The following TBK1 variants were observed in gnomAD, a reference collection of about 807,000 sequenced individuals.
TBK1 encodes the protein serine/threonine-protein kinase TBK1.
TBK1 carries 37 observed loss-of-function variants against 99.9 expected under a neutral mutation model. The observed-to-expected ratio is 0.37, with a 90% CI of 0.28 to 0.49. The LOEUF (loss-of-function observed/expected upper bound fraction) is 0.49. Among genes scored for constraint, TBK1 ranks in the 20% least tolerant of loss-of-function variants. The probability of loss-of-function intolerance (pLI) is 0.98; values close to 1 mark genes in which losing one functional copy is unlikely to be tolerated. For missense variants in TBK1, 644 were observed against 872.5 expected, an observed-to-expected ratio of 0.74 and a Z score of 3.30; for synonymous variants, 258 against 279.8, an observed-to-expected ratio of 0.92 and a Z score of 0.78.
chr12:64,468,569 C>T (rs1314252183), intron 5 of TBK1, among the ~76,000 whole-genome samples: 1 of 151,864 alleles, frequency 6.6e-6, no homozygotes, highest in Non-Finnish European at 1.5e-5. Flanking sequence ...CTACTATATA[C>T]CAGATACTGT....
Position 64,490,130 on chromosome 12 carries a change from A to C in TBK1, c.1521+11A>C, listed in dbSNP as rs2040855491. On this transcript the variant is annotated intron_variant, in intron 13 of 20. Coordinates refer to ENST00000331710, the MANE Select transcript of TBK1 (RefSeq NM_013254.4). ...ACCAAATTGTTGAGAGTAAGTGTTT[A>C]CAAAATTACGAAATTTGTAAGCTCA... The C allele has an allele frequency of 6.3e-7, 1 of 1,593,776 alleles. No individual in the cohort carries two copies. Among genetic ancestry groups the C allele is most frequent in the Non-Finnish European group, 8.6e-7 (1 of 1,167,256 alleles).
intron 20 of TBK1, among the ~76,000 whole-genome samples, chr12:64,498,550 C>G (rs2040953210): frequency 6.6e-6 from 1 of 152,248 alleles, no homozygotes; most frequent in Non-Finnish European, 1.5e-5. Flanking sequence ...TTTCCTTATC[C>G]TGATTCCTCA....
At chr12:64,463,857 G>GT (rs372307706) in intron 3 of TBK1, among the ~76,000 whole-genome samples, 1,799 of 122,820 alleles carry the variant, frequency 0.015, 46 homozygotes, top group African/African-American at 0.05. Context: ...GAAAATGTTA[G>GT]TTTTTTTTTT....
intron 12 of TBK1, among the ~76,000 whole-genome samples, chr12:64,488,997 CAAAAT>C (rs769075797): frequency 3.1e-4 from 47 of 152,142 alleles, no homozygotes; most frequent in Non-Finnish European, 6.3e-4. Context: ...TCTCAAAAAA[CAAAAT>C]AAAATAAAGA....
In TBK1 at chr12:64,480,032, A is replaced by T; in HGVS notation, c.722A>T (p.Lys241Met). Residue 241 changes from lysine (K) to methionine (M), a missense_variant, in exon 7 of 21, where the codon AAG becomes ATG. Physicochemically the swap from Lys to Met is moderately conservative, Grantham distance 95. This residue lies in a region of TBK1 where 465 missense variants were observed against 588.0 expected (regional missense o/e 0.79). Transcript: ENST00000331710. Reference sequence around the variant, plus strand: ...CCAAGGTATAAAATAATTACAGGAAAGCCTTCTGGTGCAATATCTGGAGTA... The same window carrying T: ...CCAAGGTATAAAATAATTACAGGAATGCCTTCTGGTGCAATATCTGGAGTA... ...KEVMYKIITG[K>M]PSGAISGVQK... 6.2e-7 allele frequency: 1 copy of T among 1,611,916 alleles called. No individual in the cohort carries two copies.
At chr12:64,453,031 G>A (rs7316037) in intron 1 of TBK1, 22,834 of 152,150 alleles carry the variant, frequency 0.15, 2,044 homozygotes, top group East Asian at 0.35. Flanking sequence ...CGTTTTGGAC[G>A]GTGTAAGGAA....
At chr12:64,496,334 A>C in intron 15 of TBK1, 33 bp from the exon 16 acceptor site, 1 of 1,042,892 alleles carries the variant, frequency 9.6e-7, no homozygotes, top group Non-Finnish European at 1.4e-6. Context: ...ATGATTCTAT[A>C]TTAACAACAG....
chr12:64,460,380 A>T, intron 3 of TBK1, 51 bp downstream of exon 3: 1 of 1,355,974 alleles, frequency 7.4e-7, no homozygotes, highest in Non-Finnish European at 9.8e-7. Context: ...GAGTCAAGAA[A>T]TAGAACCTAA....
chr12:64,478,848 G>A (rs1473227148), intron 6 of TBK1, among the ~76,000 whole-genome samples: 2 of 152,150 alleles, frequency 1.3e-5, no homozygotes, highest in African/African-American at 2.4e-5. Context: ...GATAGTATCA[G>A]CCTTTAAAGC....
chr12:64,467,035 G>A lies in TBK1; in HGVS notation c.493G>A (p.Glu165Lys). The change falls in exon 5 of 21, where the codon GAA (glutamate) becomes AAA (lysine). Residue 165 changes from glutamate to lysine, a missense_variant. Glu to Lys is a moderately conservative substitution (Grantham distance 56). Coordinates refer to ENST00000331710, the MANE Select transcript of TBK1 (RefSeq NM_013254.4). Reference sequence around the variant, plus strand: ...AGATTTTGGTGCAGCTAGAGAATTAGAAGATGATGAGCAGTTTGTTTCTCT... The same window carrying A: ...AGATTTTGGTGCAGCTAGAGAATTAAAAGATGATGAGCAGTTTGTTTCTCT... ...LTDFGAARELEDDEQFVSLYG... is the reference protein window; with the variant it reads ...LTDFGAARELKDDEQFVSLYG... The A allele has an allele frequency of 6.2e-7, 1 of 1,610,960 alleles. No individual in the cohort carries two copies. The highest frequency in any genetic ancestry group is 8.5e-7 in the Non-Finnish European group (1 of 1,178,504).
chr12:64,495,328 A>T, intron 13 of TBK1, 155 bp from the exon 14 acceptor site: 1 of 933,606 alleles, frequency 1.1e-6, no homozygotes, highest in Non-Finnish European at 1.6e-6. Context: ...TCAACCTAAG[A>T]AACTCTTTTG....
chr12:64,458,118 C>T (rs1592352330), intron 2 of TBK1, among the ~76,000 whole-genome samples: 1 of 150,688 alleles, frequency 6.6e-6, no homozygotes. Context: ...CACACACACA[C>T]ACATACACAC....
chr12:64,469,815 C>G (rs1268525514), intron 5 of TBK1, among the ~76,000 whole-genome samples: 1 of 151,714 alleles, frequency 6.6e-6, no homozygotes, highest in African/African-American at 2.4e-5. Context: ...CCCAACCCCA[C>G]TTTCTGTAAG....
At chr12:64,492,171 C>T (rs10878178) in intron 13 of TBK1, among the ~76,000 whole-genome samples, 64,802 of 152,108 alleles carry the variant, frequency 0.43, 15,791 homozygotes, top group Non-Finnish European at 0.55. Context: ...TTTACCTGCT[C>T]ATAGGCCTAG....
chr12:64,474,217 T>C lies in TBK1; in HGVS notation c.541-13T>C, dbSNP rs780417669. Reference sequence around the variant, plus strand: ...ACAGGTTCATGATTTTTTTCTTTTTTTTTTAATCTTAGCACCCTGATATGT... The same window carrying C: ...ACAGGTTCATGATTTTTTTCTTTTTCTTTTAATCTTAGCACCCTGATATGT... On this transcript the variant is annotated splice_polypyrimidine_tract_variant and intron_variant, in intron 5 of 20. Transcript: ENST00000331710. 6.3e-7 allele frequency: 1 copy of C among 1,592,652 alleles called. No homozygotes were observed. Among genetic ancestry groups the C allele is most frequent in the East Asian group, 2.2e-5 (1 of 44,686 alleles).
Position 64,495,772 on chromosome 12 carries a change from CGTA to C in TBK1, c.1720+1_1720+3del, listed in dbSNP as rs1565824232. ...TCAGTTCAAAAAAGACAAAGCAGAA[CGTA>C]GTAAGTAAAATTTGCTATTTGTTAA... On this transcript the variant is annotated inframe_deletion and splice_region_variant, in exon 15 of 21. Coordinates refer to ENST00000331710, the MANE Select transcript of TBK1 (RefSeq NM_013254.4). The C allele has an allele frequency of 6.4e-7, 1 of 1,569,220 alleles. No homozygotes were observed. Among genetic ancestry groups the C allele is most frequent in the Non-Finnish European group, 8.6e-7 (1 of 1,162,478 alleles).
At chr12:64,454,305 G>A (rs2040460943) in intron 1 of TBK1, among the ~76,000 whole-genome samples, 1 of 152,192 alleles carries the variant, frequency 6.6e-6, no homozygotes, top group African/African-American at 2.4e-5. Context: ...GGAGTGCAGT[G>A]GTGCGATCTC....
intron 3 of TBK1, among the ~76,000 whole-genome samples, chr12:64,461,078 T>C (rs1459537841): frequency 6.9e-6 from 1 of 145,570 alleles, no homozygotes; most frequent in Non-Finnish European, 1.5e-5. Flanking sequence ...AGACCCTGTC[T>C]CAAAAAAAAA....
At chr12:64,479,876 A>G in intron 6 of TBK1, 136 bp from the exon 7 acceptor site, 1 of 571,020 alleles carries the variant, frequency 1.8e-6, no homozygotes, top group Non-Finnish European at 3.1e-6. Flanking sequence ...TGTTTTATGG[A>G]TCCTGTGAGC....
Sources: allele counts gnomAD v4.1 joint callset (sites outside exome capture counted in the v4.1 genomes callset), GRCh38; gene constraint gnomAD v4.1.1; regional missense constraint gnomAD v4.1.1; transcripts MANE v1.5; gene names NCBI Gene and HGNC (gene_info 2026-07-23, HGNC 2026-07-21).